ACMSD: variants seen among roughly 807,000 people sequenced by gnomAD.
The protein encoded by ACMSD is 2-amino-3-carboxymuconate-6-semialdehyde decarboxylase.
Under a neutral mutation model 45.9 loss-of-function variants are expected in ACMSD, and 37 were observed. The ratio of observed to expected loss-of-function variants is 0.81; its 90% CI spans 0.62 to 1.06. The LOEUF (loss-of-function observed/expected upper bound fraction) is 1.06, where lower values mean the gene tolerates loss of function less well. Among genes scored for constraint, ACMSD ranks in the 50% least tolerant of loss-of-function variants. ACMSD has a pLI of 0.00. For synonymous variants in ACMSD, 138 were observed against 148.8 expected (o/e 0.93, Z 0.53); for missense variants, 434 against 420.9 (o/e 1.03, Z -0.27).
At chr2:134,880,596 AT>A (rs1559061265) in intron 8 of ACMSD, among the ~76,000 whole-genome samples, 2 of 151,678 alleles carry the variant, frequency 1.3e-5, no homozygotes, top group South Asian at 4.2e-4. Context: ...TGTTCTCTGA[AT>A]TTTTTTTAAT....
intron 2 of ACMSD, among the ~76,000 whole-genome samples, chr2:134,856,556 T>C (rs1687587331): frequency 6.6e-6 from 1 of 152,252 alleles, no homozygotes; most frequent in African/African-American, 2.4e-5. Context: ...AAGTATGAGA[T>C]GATATCTCAT....
At position 134,864,132 on chromosome 2, in the gene ACMSD, G is replaced by A. The variant is rs536786987; in HGVS notation, c.486+501G>A. 3.5e-4 allele frequency among the ~76,000 whole-genome samples: 53 copies of A among 151,956 alleles called. 1 individual carries two copies. In the South Asian group the frequency reaches 9.4e-3, roughly 27 times the overall value. On this transcript the variant is annotated intron_variant, in intron 5 of 9. Coordinates refer to ENST00000356140, the MANE Select transcript of ACMSD (RefSeq NM_138326.3). ...AAAAATACAAAAAAATTAGCCAGGCGTAGTGCCACACCCCTGTAATCCCAG... is the reference window on the plus strand; with the variant it reads ...AAAAATACAAAAAAATTAGCCAGGCATAGTGCCACACCCCTGTAATCCCAG...
chr2:134,895,756 G>A (rs1690110686), intron 8 of ACMSD, among the ~76,000 whole-genome samples: 1 of 152,172 alleles, frequency 6.6e-6, no homozygotes, highest in Non-Finnish European at 1.5e-5. Context: ...AGCTACTTGG[G>A]AGGCTGAGGC....
At position 134,880,079 on chromosome 2, in the gene ACMSD, T is replaced by G. The variant is rs1047771501; in HGVS notation, c.849+7438T>G. 4.6e-5 allele frequency among the ~76,000 whole-genome samples: 7 copies of G among 152,244 alleles called. No individual in the cohort carries two copies. The East Asian group carries it at 1.2e-3, about 25-fold the overall frequency. On this transcript the variant is annotated intron_variant, in intron 8 of 9. Transcript: ENST00000356140. The stretch of plus-strand genomic sequence containing the variant: ...ATCTAAAAATGTCTGTATTCATCCT[T>G]CGCAATGACCTAATTGTTTGGCTAG...
intron 6 of ACMSD, among the ~76,000 whole-genome samples, chr2:134,868,616 C>A (rs1404356548): frequency 1.3e-5 from 2 of 151,970 alleles, no homozygotes; most frequent in Non-Finnish European, 2.9e-5. Context: ...CCACGTCCAG[C>A]TAATCTTTGT....
intron 6 of ACMSD, among the ~76,000 whole-genome samples, chr2:134,868,284 G>C (rs949224693): frequency 5.3e-5 from 8 of 152,066 alleles, no homozygotes; most frequent in Non-Finnish European, 1.2e-4. Context: ...TCCACGAAAG[G>C]GTAGAGGAGA....
intron 8 of ACMSD, chr2:134,877,666 T>C (rs1407491046): frequency 8.3e-6 from 1 of 121,094 alleles, no homozygotes; most frequent in Non-Finnish European, 1.7e-5. Flanking sequence ...TGGGGAGAGA[T>C]GGTAATCAAG....
At chr2:134,890,527 T>C (rs1408074986) in intron 8 of ACMSD, among the ~76,000 whole-genome samples, 1 of 152,022 alleles carries the variant, frequency 6.6e-6, no homozygotes, top group African/African-American at 2.4e-5. Flanking sequence ...TGGGGGCAAT[T>C]GACAAAATTT....
intron 9 of ACMSD, among the ~76,000 whole-genome samples, chr2:134,900,085 A>C (rs1690413666): frequency 6.6e-6 from 1 of 152,192 alleles, no homozygotes; most frequent in Non-Finnish European, 1.5e-5. Flanking sequence ...AATACCACTA[A>C]AGAAATTTAA....
intron 8 of ACMSD, among the ~76,000 whole-genome samples, chr2:134,876,434 T>C (rs1481206320): frequency 6.6e-6 from 1 of 152,218 alleles, no homozygotes; most frequent in Non-Finnish European, 1.5e-5. Flanking sequence ...GAATTTTTTT[T>C]TGCTTTTTAA....
chr2:134,847,421 T>TAGAC (rs1687107325), intron 2 of ACMSD, among the ~76,000 whole-genome samples: 1 of 151,324 alleles, frequency 6.6e-6, no homozygotes, highest in African/African-American at 2.4e-5. Context: ...GATAGATAGA[T>TAGAC]AGATAGATAG....
intron 3 of ACMSD, 109 bp downstream of exon 3, chr2:134,859,466 G>T (rs576035999): frequency 2.0e-6 from 2 of 985,404 alleles, no homozygotes; most frequent in Non-Finnish European, 3.1e-6. Context: ...CCTTTTCTCT[G>T]CCAGGACAGG....
chr2:134,855,525 C>T (rs1318243767), intron 2 of ACMSD, among the ~76,000 whole-genome samples: 1 of 152,236 alleles, frequency 6.6e-6, no homozygotes, highest in Non-Finnish European at 1.5e-5. Context: ...AGGCTAGGCC[C>T]TGCCTCCACC....
chr2:134,870,896 C>A, intron 6 of ACMSD, 69 bp from the exon 7 acceptor site: 2 of 1,339,986 alleles, frequency 1.5e-6, no homozygotes, highest in South Asian at 1.2e-5. Context: ...ATTCCCCAGC[C>A]ACTAACATCA....
At chr2:134,845,338 C>A (rs1687000187) in intron 2 of ACMSD, 61 bp downstream of exon 2, 2 of 1,590,122 alleles carry the variant, frequency 1.3e-6, no homozygotes, top group East Asian at 2.2e-5. Context: ...CCATGGGATA[C>A]CTCACTGCAG....
intron 2 of ACMSD, 84 bp downstream of exon 2, chr2:134,845,361 G>A (rs76638055): frequency 0.034 from 49,712 of 1,455,446 alleles, 1,330 homozygotes; most frequent in African/African-American, 0.13. Flanking sequence ...TGGGCCTCCA[G>A]GGAACCCCAC....
At chr2:134,843,157 T>C (rs1686884610) in intron 1 of ACMSD, among the ~76,000 whole-genome samples, 1 of 152,162 alleles carries the variant, frequency 6.6e-6, no homozygotes, top group Admixed American at 6.5e-5. Flanking sequence ...ACACCTCTCT[T>C]GGCAGCTTTT....
chr2:134,892,147 T>C (rs1199067622), intron 8 of ACMSD, among the ~76,000 whole-genome samples: 1 of 152,044 alleles, frequency 6.6e-6, no homozygotes, highest in Non-Finnish European at 1.5e-5. Context: ...ATTCAGGTGA[T>C]GGTTACACTA....
At chr2:134,895,328 T>A (rs1035279885) in intron 8 of ACMSD, among the ~76,000 whole-genome samples, 1 of 141,584 alleles carries the variant, frequency 7.1e-6, no homozygotes, top group Non-Finnish European at 1.5e-5. Context: ...TATATATATG[T>A]TATATATATA....
Sources: allele counts gnomAD v4.1 joint callset (sites outside exome capture counted in the v4.1 genomes callset), GRCh38; gene constraint gnomAD v4.1.1; transcripts MANE v1.5; gene names NCBI Gene and HGNC (gene_info 2026-07-23, HGNC 2026-07-21).